Variants in UBE2E2 observed in about 807,000 individuals in gnomAD.
UBE2E2 encodes ubiquitin conjugating enzyme E2 E2.
UBE2E2 carries 6 observed loss-of-function variants against 24.7 expected under a neutral mutation model. That is an observed-to-expected ratio of 0.24 (90% CI 0.13 to 0.48). The LOEUF (loss-of-function observed/expected upper bound fraction) is 0.48, where lower values mean the gene tolerates loss of function less well. Ranked by LOEUF, UBE2E2 falls within the 20% of genes least tolerant of loss-of-function variation. UBE2E2 has a pLI of 0.99. For synonymous variants in UBE2E2, 104 were observed against 83.6 expected (o/e 1.24, Z -1.33); for missense variants, 169 against 245.0 (o/e 0.69, Z 2.07).
chr3:23,535,591 G>A (rs566087314), intron 5 of UBE2E2, among the ~76,000 whole-genome samples: 1 of 149,440 alleles, frequency 6.7e-6, no homozygotes, highest in East Asian at 2.0e-4. Context: ...ACTTCATGAT[G>A]GTGTTTATTG....
intron 5 of UBE2E2, among the ~76,000 whole-genome samples, chr3:23,587,516 C>T (rs1696654606): frequency 1.3e-5 from 2 of 152,184 alleles, no homozygotes; most frequent in African/African-American, 2.4e-5. Flanking sequence ...TTTAATTAAA[C>T]ACCTATCTTG....
intron 5 of UBE2E2, among the ~76,000 whole-genome samples, chr3:23,574,608 A>C (rs544669396): frequency 5.3e-5 from 8 of 152,300 alleles, no homozygotes; most frequent in Middle Eastern, 3.4e-3. Context: ...CCAGCTACTT[A>C]GAAGCCTGAA....
intron 3 of UBE2E2, among the ~76,000 whole-genome samples, chr3:23,487,506 C>T (rs755154291): frequency 7.7e-4 from 118 of 152,330 alleles, no homozygotes; most frequent in Non-Finnish European, 1.4e-3. Flanking sequence ...AGTGTCTCCA[C>T]AGTGGCCAAT....
At chr3:23,502,643 T>C (rs1240863923) in intron 4 of UBE2E2, among the ~76,000 whole-genome samples, 1 of 152,190 alleles carries the variant, frequency 6.6e-6, no homozygotes, top group African/African-American at 2.4e-5. Flanking sequence ...TGAGCTATTC[T>C]AGTAATTTCT....
chr3:23,561,112 C>T (rs1337292024), intron 5 of UBE2E2, among the ~76,000 whole-genome samples: 4 of 152,118 alleles, frequency 2.6e-5, no homozygotes, highest in Non-Finnish European at 5.9e-5. Context: ...GTTGCCATTG[C>T]TTTTGGTGTT....
At chr3:23,417,060 C>T (rs1697656346) in intron 3 of UBE2E2, among the ~76,000 whole-genome samples, 1 of 152,196 alleles carries the variant, frequency 6.6e-6, no homozygotes, top group East Asian at 1.9e-4. Flanking sequence ...GTCAGTTCAT[C>T]TAACTCATTC....
intron 3 of UBE2E2, among the ~76,000 whole-genome samples, chr3:23,410,371 T>C (rs1697467670): frequency 6.6e-6 from 1 of 152,128 alleles, no homozygotes; most frequent in South Asian, 2.1e-4. Flanking sequence ...TTTTCATTGC[T>C]CGCATACTTG....
At position 23,355,000 on chromosome 3, in the gene UBE2E2, C is replaced by G. The variant is rs1353391878; in HGVS notation, c.227+137688C>G. Among the ~76,000 whole-genome samples, 6 of 151,766 alleles carry G rather than the reference C, an allele frequency of 4.0e-5. No individual in the cohort carries two copies. In the East Asian group the frequency reaches 1.2e-3, roughly 29 times the overall value. ...AACCCAAATGTCCAACAACGATAGA[C>G]TGGATTAAGAAAATGTGGCACATAT... is the stretch of plus-strand genomic sequence containing the variant. On this transcript the variant is annotated intron_variant, in intron 3 of 5. Coordinates refer to ENST00000396703, the MANE Select transcript of UBE2E2 (RefSeq NM_152653.4).
chr3:23,505,562 T>C (rs186466773), intron 4 of UBE2E2, among the ~76,000 whole-genome samples: 8 of 152,356 alleles, frequency 5.3e-5, no homozygotes, highest in Admixed American at 5.2e-4. Flanking sequence ...TCAGGTGTTT[T>C]ATAAAACAAG....
intron 3 of UBE2E2, among the ~76,000 whole-genome samples, chr3:23,321,422 T>A (rs1559346790): frequency 6.6e-6 from 1 of 151,678 alleles, no homozygotes; most frequent in Non-Finnish European, 1.5e-5. Context: ...GTAGGGAGAG[T>A]CAGAGTGGCA....
chr3:23,444,198 G>T (rs900842666), intron 3 of UBE2E2, among the ~76,000 whole-genome samples: 16 of 148,104 alleles, frequency 1.1e-4, no homozygotes. Flanking sequence ...CCCATTTATT[G>T]TAACCGCTGG....
At chr3:23,436,650 C>A (rs1399620529) in intron 3 of UBE2E2, among the ~76,000 whole-genome samples, 1 of 151,438 alleles carries the variant, frequency 6.6e-6, no homozygotes, top group African/African-American at 2.4e-5. Context: ...AAGATGCTGT[C>A]CCAAAAAACA....
At chr3:23,272,294 C>T (rs958879714) in intron 3 of UBE2E2, among the ~76,000 whole-genome samples, 3 of 150,418 alleles carry the variant, frequency 2.0e-5, no homozygotes, top group Non-Finnish European at 4.4e-5. Flanking sequence ...GCCGGCTTCT[C>T]TGAGTGTGGG....
intron 3 of UBE2E2, among the ~76,000 whole-genome samples, chr3:23,218,841 A>G (rs1475566160): frequency 3.3e-5 from 5 of 152,160 alleles, no homozygotes; most frequent in Admixed American, 6.6e-5. Context: ...AAATAATTGA[A>G]CCATAGTTCT....
At chr3:23,445,819 TAGTG>T (rs1431072130) in intron 3 of UBE2E2, among the ~76,000 whole-genome samples, 1 of 152,156 alleles carries the variant, frequency 6.6e-6, no homozygotes. Flanking sequence ...TGTTGGCACA[TAGTG>T]AGGCATGCAA....
intron 3 of UBE2E2, among the ~76,000 whole-genome samples, chr3:23,371,572 AAAAC>A (rs1696400092): frequency 6.6e-6 from 1 of 152,318 alleles, no homozygotes; most frequent in Admixed American, 6.5e-5. Context: ...ACACAGCTGA[AAAAC>A]AAGAGCATTT....
At chr3:23,489,694 C>T (rs560260392) in intron 3 of UBE2E2, among the ~76,000 whole-genome samples, 1 of 152,290 alleles carries the variant, frequency 6.6e-6, no homozygotes, top group South Asian at 2.1e-4. Flanking sequence ...TGAAGCTTTG[C>T]TCACTCACCT....
At chr3:23,284,185 T>G (rs1698554052) in intron 3 of UBE2E2, among the ~76,000 whole-genome samples, 1 of 152,172 alleles carries the variant, frequency 6.6e-6, no homozygotes, top group South Asian at 2.1e-4. Flanking sequence ...AATATTTCTA[T>G]TCTAGATTAG....
chr3:23,469,646 TAGA>T (rs1280854924), intron 3 of UBE2E2, among the ~76,000 whole-genome samples: 2 of 152,222 alleles, frequency 1.3e-5, no homozygotes, highest in Non-Finnish European at 2.9e-5. Flanking sequence ...AGTTCACTGG[TAGA>T]AGAAGAGCTA....
Sources: allele counts gnomAD v4.1 joint callset (sites outside exome capture counted in the v4.1 genomes callset), GRCh38; gene constraint gnomAD v4.1.1; transcripts MANE v1.5; gene names NCBI Gene and HGNC (gene_info 2026-07-23, HGNC 2026-07-21).